The following NRXN1 variants were observed in gnomAD, a reference collection of about 807,000 sequenced individuals.
The protein encoded by NRXN1 is neurexin-1.
A neutral mutation model predicts 150.9 loss-of-function variants in NRXN1; 39 were observed. The ratio of observed to expected loss-of-function variants is 0.26; its 90% CI spans 0.20 to 0.34. The LOEUF is 0.34. Among genes scored for constraint, NRXN1 ranks in the 10% least tolerant of loss-of-function variants. The pLI is 1.00. For synonymous variants in NRXN1, 924 were observed against 757.0 expected (o/e 1.22, Z -3.62); for missense variants, 1,815 against 1,949.9 (o/e 0.93, Z 1.30).
chr2:50,617,915 A>G (rs906629874), intron 8 of NRXN1, among the ~76,000 whole-genome samples: 17 of 152,188 alleles, frequency 1.1e-4, no homozygotes, highest in Admixed American at 2.0e-4. Flanking sequence ...ACACACACAG[A>G]AAAAAACTGC....
chr2:50,506,228 T>C (rs1232073271), intron 13 of NRXN1, among the ~76,000 whole-genome samples: 1 of 152,088 alleles, frequency 6.6e-6, no homozygotes, highest in Non-Finnish European at 1.5e-5. Flanking sequence ...CACCAAGATA[T>C]TTATCAGGCC....
intron 5 of NRXN1, among the ~76,000 whole-genome samples, chr2:50,884,023 T>C (rs1321105036): frequency 6.6e-6 from 1 of 151,816 alleles, no homozygotes; most frequent in African/African-American, 2.4e-5. Flanking sequence ...TGAAAATTCA[T>C]TTATCTGTAT....
chr2:50,054,160 T>C (rs749072537), intron 20 of NRXN1, among the ~76,000 whole-genome samples: 4 of 152,150 alleles, frequency 2.6e-5, no homozygotes, highest in Non-Finnish European at 5.9e-5. Context: ...AAATTCATGG[T>C]TTACACTGAG....
At chr2:50,223,382 G>A (rs1243610588) in intron 18 of NRXN1, among the ~76,000 whole-genome samples, 1 of 151,902 alleles carries the variant, frequency 6.6e-6, no homozygotes, top group African/African-American at 2.4e-5. Flanking sequence ...TCAATAACCA[G>A]TTACAAATAA....
At chr2:50,478,280 G>A (rs1177404560) in intron 15 of NRXN1, among the ~76,000 whole-genome samples, 2 of 152,114 alleles carry the variant, frequency 1.3e-5, no homozygotes, top group African/African-American at 4.8e-5. Context: ...AAAAGAAAAA[G>A]CATGGGAAGT....
chr2:50,985,310 G>A (rs1408451332), intron 2 of NRXN1: 1 of 151,836 alleles, frequency 6.6e-6, no homozygotes, highest in African/African-American at 2.4e-5. Context: ...AAAGAGCTAT[G>A]CCAATTTCCA....
At chr2:49,933,706 A>C (rs543862172) in intron 22 of NRXN1, among the ~76,000 whole-genome samples, 9 of 152,202 alleles carry the variant, frequency 5.9e-5, no homozygotes, top group African/African-American at 2.2e-4. Context: ...ATTCAGTATG[A>C]AAGTATCTGA....
intron 5 of NRXN1, among the ~76,000 whole-genome samples, chr2:50,843,261 C>T (rs183088980): frequency 1.2e-4 from 18 of 152,276 alleles, no homozygotes; most frequent in Non-Finnish European, 1.5e-5. Flanking sequence ...TTAATTAAAA[C>T]ATTTTTCCTC....
chr2:50,934,617 G>A (rs1688247428), intron 2 of NRXN1, among the ~76,000 whole-genome samples: 1 of 152,134 alleles, frequency 6.6e-6, no homozygotes, highest in African/African-American at 2.4e-5. Context: ...AAGTTCTATT[G>A]AGCGGTATTA....
At chr2:50,745,666 C>A (rs1157370893) in intron 5 of NRXN1, among the ~76,000 whole-genome samples, 1 of 152,108 alleles carries the variant, frequency 6.6e-6, no homozygotes, top group African/African-American at 2.4e-5. Context: ...AGAAAACTTA[C>A]AATCATGGTC....
At chr2:50,131,389 A>G (rs934516742) in intron 18 of NRXN1, among the ~76,000 whole-genome samples, 3 of 152,158 alleles carry the variant, frequency 2.0e-5, no homozygotes, top group Admixed American at 2.0e-4. Flanking sequence ...TGGTCAGTTT[A>G]TCTCTTCAAG....
chr2:50,544,025 A>G (rs2093441754), intron 9 of NRXN1, among the ~76,000 whole-genome samples: 1 of 152,170 alleles, frequency 6.6e-6, no homozygotes, highest in Non-Finnish European at 1.5e-5. Context: ...GAAATTCAGT[A>G]GATGGATTAT....
intron 5 of NRXN1, among the ~76,000 whole-genome samples, chr2:50,760,119 C>T (rs1701633179): frequency 6.6e-6 from 1 of 151,856 alleles, no homozygotes; most frequent in Non-Finnish European, 1.5e-5. Flanking sequence ...TCCTGTACTA[C>T]TCAAACATGT....
chr2:50,920,476 TTG>T (rs1685852742), intron 5 of NRXN1, among the ~76,000 whole-genome samples: 1 of 151,766 alleles, frequency 6.6e-6, no homozygotes, highest in Admixed American at 6.6e-5. Context: ...TACTTAGAAA[TTG>T]TGTATTTATA....
intron 18 of NRXN1, among the ~76,000 whole-genome samples, chr2:50,192,387 T>C (rs1031822479): frequency 6.6e-6 from 1 of 152,128 alleles, no homozygotes; most frequent in South Asian, 2.1e-4. Context: ...CTGAAAATAG[T>C]TGGATTAAAC....
chr2:50,097,316 TC>T (rs1700353842), intron 18 of NRXN1, among the ~76,000 whole-genome samples: 1 of 152,152 alleles, frequency 6.6e-6, no homozygotes, highest in South Asian at 2.1e-4. Flanking sequence ...CATAGTACAG[TC>T]CAGTACTCCA....
intron 5 of NRXN1, among the ~76,000 whole-genome samples, chr2:50,675,533 G>A (rs555940971): frequency 6.6e-6 from 1 of 152,112 alleles, no homozygotes; most frequent in Non-Finnish European, 1.5e-5. Flanking sequence ...TTTGCATTTG[G>A]CCAGTGGAGT....
intron 17 of NRXN1, among the ~76,000 whole-genome samples, chr2:50,420,855 G>C (rs1404433310): frequency 6.6e-6 from 1 of 152,024 alleles, no homozygotes; most frequent in Non-Finnish European, 1.5e-5. Flanking sequence ...ACACATGATA[G>C]TGGAAGGTGT....
At position 50,413,976 on chromosome 2, in the gene NRXN1, T is replaced by A. The variant is rs1249271137; in HGVS notation, c.3364+51466A>T. ...CTCACTTATTTGTGGGATCTGAAAATCAAAACAATTGAACTCATGGACATA... is the reference window on the plus strand; with the variant it reads ...CTCACTTATTTGTGGGATCTGAAAAACAAAACAATTGAACTCATGGACATA... On this transcript the variant is annotated intron_variant, in intron 17 of 22. Coordinates refer to ENST00000401669, the MANE Select transcript of NRXN1 (RefSeq NM_001330078.2). Among the ~76,000 whole-genome samples, 3 of 135,468 alleles carry A rather than the reference T, an allele frequency of 2.2e-5. No individual in the cohort carries two copies. In the East Asian group the frequency reaches 6.6e-4, roughly 30 times the overall value. 88.9% of individuals were successfully genotyped at this position (135,468 alleles called of 152,430 possible).
Sources: gnomAD v4.1 joint callset for allele counts (sites outside exome capture counted in the v4.1 genomes callset) on GRCh38, gnomAD v4.1.1 for gene constraint, MANE v1.5 for transcripts, NCBI Gene and HGNC (gene_info 2026-07-23, HGNC 2026-07-21) for gene names.